The following COLQ variants were observed in gnomAD, a reference collection of about 807,000 sequenced individuals.
COLQ encodes the protein acetylcholinesterase collagenic tail peptide.
In COLQ, 48 loss-of-function variants were observed where a neutral mutation model predicts 69.0. The ratio of observed to expected loss-of-function variants is 0.70; its 90% CI spans 0.55 to 0.88. COLQ has a LOEUF of 0.88. Among genes scored for constraint, COLQ ranks in the 40% least tolerant of loss-of-function variants. COLQ has a pLI of 0.00. For missense variants in COLQ, 618 were observed against 594.6 expected, an observed-to-expected ratio of 1.04 and a Z score of -0.41; for synonymous variants, 217 against 211.2, an observed-to-expected ratio of 1.03 and a Z score of -0.24.
intron 1 of COLQ, among the ~76,000 whole-genome samples, chr3:15,490,033 TTA>T (rs1445377677): frequency 1.3e-5 from 2 of 152,194 alleles, no homozygotes; most frequent in African/African-American, 4.8e-5. Flanking sequence ...AGGAAATTGT[TTA>T]GACAGGGAGG....
intron 8 of COLQ, 37 bp downstream of exon 8, chr3:15,474,888 A>G (rs2062352671): frequency 1.2e-6 from 2 of 1,613,186 alleles, no homozygotes; most frequent in African/African-American, 1.3e-5. Flanking sequence ...AGTAGCCCAG[A>G]CCAGGCTCTA....
intron 5 of COLQ, among the ~76,000 whole-genome samples, chr3:15,477,903 T>C (rs2062408548): frequency 6.6e-6 from 1 of 152,206 alleles, no homozygotes; most frequent in African/African-American, 2.4e-5. Context: ...AGGGTACATG[T>C]CACCTGTGTC....
At position 15,466,359 on chromosome 3, in the gene COLQ, G is replaced by C; in HGVS notation, c.796C>G (p.Pro266Ala). The C allele has an allele frequency of 6.2e-7, 1 of 1,613,712 alleles. No individual in the cohort carries two copies. Among genetic ancestry groups the C allele is most frequent in the Non-Finnish European group, 8.5e-7 (1 of 1,179,696 alleles). ...CTCTTACCTGCAGGTGGGGGGCCTG[G>C]GGGCCCCGGACGGCCAGGTTGACCA... Reference protein sequence around the residue: ...PSGQPGRPGPPGPPPAGQLIM... With the variant: ...PSGQPGRPGPAGPPPAGQLIM... The change falls in exon 12 of 17, where the codon CCA (proline) becomes GCA (alanine). Residue 266 changes from proline (P) to alanine (A), a missense_variant. By Grantham distance (27) the Pro-to-Ala change is conservative. Transcript: ENST00000383788.
chr3:15,489,701 G>T, intron 1 of COLQ, 64 bp from the exon 2 acceptor site: 5 of 1,467,888 alleles, frequency 3.4e-6, no homozygotes, highest in Non-Finnish European at 4.7e-6. Context: ...CACACCCACC[G>T]TGCCCAGGGA....
intron 12 of COLQ, among the ~76,000 whole-genome samples, chr3:15,461,060 C>T (rs1297169966): frequency 1.3e-5 from 2 of 152,176 alleles, no homozygotes; most frequent in African/African-American, 2.4e-5. Context: ...AATACTGATG[C>T]TCTCAGGAAG....
intron 1 of COLQ, 91 bp from the exon 2 acceptor site, chr3:15,489,728 C>T (rs2062633084): frequency 1.9e-6 from 2 of 1,063,416 alleles, no homozygotes. Flanking sequence ...ATCCTGCCAC[C>T]CCAGACTTCC....
At chr3:15,462,559 C>A (rs1414689471) in intron 12 of COLQ, among the ~76,000 whole-genome samples, 3 of 152,202 alleles carry the variant, frequency 2.0e-5, no homozygotes, top group Non-Finnish European at 2.9e-5. Context: ...TGTGAACCCA[C>A]AGAACCCCTG....
chr3:15,521,016 C>T (rs948141528), intron 1 of COLQ, among the ~76,000 whole-genome samples: 16 of 152,202 alleles, frequency 1.1e-4, no homozygotes, highest in Non-Finnish European at 2.2e-4. Flanking sequence ...TGTTCACCCC[C>T]CACCCCACCG....
chr3:15,512,944 C>T (rs966259314), intron 1 of COLQ, among the ~76,000 whole-genome samples: 2 of 152,206 alleles, frequency 1.3e-5, no homozygotes, highest in Non-Finnish European at 2.9e-5. Context: ...CTCCTAACCA[C>T]TCTGCGATTC....
chr3:15,477,507 T>G (rs1231734293), intron 5 of COLQ: 8 of 390,166 alleles, frequency 2.1e-5, no homozygotes, highest in Non-Finnish European at 3.9e-5. Context: ...ATGGGTTCTT[T>G]CCAAGGATGT....
chr3:15,495,455 T>C (rs371848329), intron 1 of COLQ, among the ~76,000 whole-genome samples: 2 of 152,212 alleles, frequency 1.3e-5, no homozygotes, highest in African/African-American at 4.8e-5. Flanking sequence ...AAAGCTGTGA[T>C]TGGTTTTTTA....
At chr3:15,454,651 GTTTTTTTTTTTTT>G (rs56053367) in intron 15 of COLQ, among the ~76,000 whole-genome samples, 4 of 118,152 alleles carry the variant, frequency 3.4e-5, no homozygotes, top group Non-Finnish European at 6.8e-5. Flanking sequence ...CCCCTGAACT[GTTTTTTTTTTTTT>G]TTTTTTTTTG....
intron 3 of COLQ, among the ~76,000 whole-genome samples, chr3:15,483,027 G>C (rs1215809822): frequency 2.6e-5 from 4 of 152,164 alleles, no homozygotes. Flanking sequence ...TCTTATGGTA[G>C]TTTGTATTTC....
chr3:15,456,197 G>C (rs1008126780), intron 14 of COLQ, among the ~76,000 whole-genome samples, 178 bp from the exon 15 acceptor site: 3 of 152,126 alleles, frequency 2.0e-5, no homozygotes, highest in Admixed American at 1.3e-4. Context: ...TTAAATGTTG[G>C]GTCAGATCAA....
At chr3:15,477,275 C>T in intron 5 of COLQ, 78 bp from the exon 6 acceptor site, 3 of 1,361,556 alleles carry the variant, frequency 2.2e-6, no homozygotes, top group Middle Eastern at 3.6e-4. Flanking sequence ...GTCTCTGGGG[C>T]CCAGAGGAGA....
intron 5 of COLQ, among the ~76,000 whole-genome samples, chr3:15,478,315 A>G (rs1284230542): frequency 1.3e-5 from 2 of 152,212 alleles, no homozygotes; most frequent in Non-Finnish European, 2.9e-5. Context: ...ACCATTTAAT[A>G]AACCATTTAA....
intron 1 of COLQ, among the ~76,000 whole-genome samples, chr3:15,505,487 G>C (rs1036437371): frequency 3.9e-5 from 6 of 152,208 alleles, no homozygotes; most frequent in Non-Finnish European, 8.8e-5. Flanking sequence ...CTAAAGAAAG[G>C]CATCTGCTTT....
intron 1 of COLQ, 98 bp from the exon 2 acceptor site, chr3:15,489,735 T>G (rs1404003970): frequency 4.1e-6 from 4 of 987,210 alleles, no homozygotes; most frequent in East Asian, 5.2e-5. Flanking sequence ...CACCCCAGAC[T>G]TCCACATCTA....
At chr3:15,460,296 T>A (rs1418991931) in intron 12 of COLQ, among the ~76,000 whole-genome samples, 3 of 152,094 alleles carry the variant, frequency 2.0e-5, no homozygotes, top group African/African-American at 7.2e-5. Flanking sequence ...AGAGAAAAAG[T>A]CTTCAGAAGA....
Sources: gnomAD v4.1 joint callset for allele counts (sites outside exome capture counted in the v4.1 genomes callset) on GRCh38, gnomAD v4.1.1 for gene constraint, MANE v1.5 for transcripts, NCBI Gene and HGNC (gene_info 2026-07-23, HGNC 2026-07-21) for gene names.